Variants in PCTP observed in about 807,000 individuals in gnomAD.
PCTP encodes START domain-containing protein 2.
Under a neutral mutation model 31.0 loss-of-function variants are expected in PCTP, and 27 were observed. The observed-to-expected ratio is 0.87, with a 90% CI of 0.64 to 1.20. The LOEUF (loss-of-function observed/expected upper bound fraction) is 1.20. Among genes scored for constraint, PCTP ranks in the 50% most tolerant of loss-of-function variants. The probability of loss-of-function intolerance (pLI) is 0.00; values close to 1 mark genes in which losing one functional copy is unlikely to be tolerated. For missense variants in PCTP, 287 were observed against 268.2 expected (o/e 1.07, Z -0.49); for synonymous variants, 108 against 101.2 (o/e 1.07, Z -0.40).
At chr17:55,833,354 T>G (rs1425925920) in intron 5 of PCTP, among the ~76,000 whole-genome samples, 1 of 152,188 alleles carries the variant, frequency 6.6e-6, no homozygotes, top group Non-Finnish European at 1.5e-5. Flanking sequence ...GAAGGAACAA[T>G]CTGCAAAGAA....
chr17:55,818,209 C>T (rs572617739), intron 3 of PCTP, among the ~76,000 whole-genome samples: 7 of 152,264 alleles, frequency 4.6e-5, no homozygotes, highest in East Asian at 3.9e-4. Context: ...AAACGGAGAT[C>T]GCATGATGTG....
intron 1 of PCTP, among the ~76,000 whole-genome samples, chr17:55,753,489 A>G (rs1200128355): frequency 6.6e-6 from 1 of 152,166 alleles, no homozygotes; most frequent in African/African-American, 2.4e-5. Flanking sequence ...TATGATGATC[A>G]CCTTTTTACC....
chr17:55,778,602 G>A (rs999150262), downstream of PCTP, among the ~76,000 whole-genome samples: 7 of 147,762 alleles, frequency 4.7e-5, no homozygotes, highest in African/African-American at 1.0e-4. Context: ...CCAAGTCAGC[G>A]TTTTGTGGGG....
intron 2 of PCTP, among the ~76,000 whole-genome samples, chr17:55,784,421 G>A (rs994435687): frequency 1.3e-4 from 19 of 151,980 alleles, no homozygotes; most frequent in African/African-American, 3.9e-4. Flanking sequence ...GGTTGACATG[G>A]CACAAGCTCA....
At chr17:55,819,228 C>A (rs893311422) in intron 3 of PCTP, among the ~76,000 whole-genome samples, 9 of 151,936 alleles carry the variant, frequency 5.9e-5, no homozygotes, top group Admixed American at 3.9e-4. Context: ...AAAAGCTTTC[C>A]CCCTAAGATC....
At chr17:55,844,937 A>G (rs941151814), downstream of PCTP, among the ~76,000 whole-genome samples, 1 of 151,760 alleles carries the variant, frequency 6.6e-6, no homozygotes, top group Non-Finnish European at 1.5e-5. Flanking sequence ...GATACAAAAA[A>G]TTAGCCGGGC....
downstream of PCTP, among the ~76,000 whole-genome samples, chr17:55,824,656 G>A (rs1363686882): frequency 6.6e-6 from 1 of 152,200 alleles, no homozygotes; most frequent in Non-Finnish European, 1.5e-5. Context: ...TGAACACAGA[G>A]ATAAGTGGAC....
At chr17:55,751,390 A>C (rs1225271653) in intron 1 of PCTP, 146 bp downstream of exon 1, 1 of 1,533,622 alleles carries the variant, frequency 6.5e-7, no homozygotes, top group Middle Eastern at 1.7e-4. Context: ...CCCTGTCTCA[A>C]GCTCTGGAGC....
Position 55,772,565 on chromosome 17 carries a change from T to C in PCTP, c.340-1159T>C, listed in dbSNP as rs367954774. On this transcript the variant is annotated intron_variant, in intron 3 of 5. Coordinates refer to ENST00000268896, the MANE Select transcript of PCTP (RefSeq NM_021213.4). ...TCGTGACACTCTACTCCAGTCTGGG[T>C]GAGACTCTGTCTCAAAAAAAAAAAA... 1.5e-4 allele frequency among the ~76,000 whole-genome samples: 20 copies of C among 136,662 alleles called. 2 individuals are homozygous for C. Among genetic ancestry groups the C allele is most frequent in the Admixed American group, 1.0e-3 (13 of 12,886 alleles). The allele number at this position is 136,662 out of a possible 152,430, so 89.7% of individuals were successfully genotyped here. A position where few individuals can be genotyped will look rare whatever the true frequency, so the allele number is the denominator to read the frequency against.
chr17:55,847,783 T>G (rs1444888161), downstream of PCTP, among the ~76,000 whole-genome samples: 2 of 152,298 alleles, frequency 1.3e-5, no homozygotes, highest in African/African-American at 2.4e-5. Context: ...TCAGCCTTTT[T>G]GTTCTGTTCA....
Position 55,763,681 on chromosome 17 carries a change from A to G in PCTP, c.142-3654A>G, listed in dbSNP as rs554030922. 6.6e-5 allele frequency among the ~76,000 whole-genome samples: 10 copies of G among 152,332 alleles called. No homozygotes were observed. The East Asian group carries it at 1.2e-3, about 18-fold the overall frequency. On this transcript the variant is annotated intron_variant, in intron 1 of 5. Transcript: ENST00000268896. The stretch of plus-strand genomic sequence containing the variant: ...TTATTTACTTAAAGGAAATATGTCA[A>G]ATATTATCAGTAGATATTTTTGGAT...
chr17:55,851,567 G>A, the PCTP span, among the ~76,000 whole-genome samples: 1 of 152,066 alleles, frequency 6.6e-6, no homozygotes, highest in Non-Finnish European at 1.5e-5. Flanking sequence ...TAATTACTTG[G>A]CTCACAAATA....
intron 1 of PCTP, among the ~76,000 whole-genome samples, chr17:55,759,689 T>C (rs1430611538): frequency 6.6e-6 from 1 of 152,146 alleles, no homozygotes; most frequent in Non-Finnish European, 1.5e-5. Flanking sequence ...GATTTGAGAA[T>C]ATGTGATTTA....
At chr17:55,771,282 C>T in intron 3 of PCTP, 97 bp downstream of exon 3, 6 of 915,294 alleles carry the variant, frequency 6.6e-6, no homozygotes, top group Non-Finnish European at 1.1e-5. Context: ...GGTTTCTCAG[C>T]AGGCACAGAT....
chr17:55,813,144 C>T (rs1912807854), intron 3 of PCTP, among the ~76,000 whole-genome samples: 1 of 152,220 alleles, frequency 6.6e-6, no homozygotes, highest in African/African-American at 2.4e-5. Context: ...GTAATCAACA[C>T]ACCAAATTAA....
downstream of PCTP, among the ~76,000 whole-genome samples, chr17:55,779,041 A>C (rs1911466150): frequency 5.3e-5 from 8 of 152,132 alleles, no homozygotes; most frequent in Admixed American, 5.2e-4. Flanking sequence ...CTGGACTTGC[A>C]AGAGATGAGG....
intron 2 of PCTP, among the ~76,000 whole-genome samples, chr17:55,768,085 C>CA (rs11424440): frequency 0.65 from 91,265 of 140,046 alleles, 33,379 homozygotes; most frequent in East Asian, 0.87. Flanking sequence ...GACCCTGTCT[C>CA]AAAAAAAAAA....
At chr17:55,817,928 C>A (rs778236479) in intron 3 of PCTP, among the ~76,000 whole-genome samples, 7 of 152,182 alleles carry the variant, frequency 4.6e-5, no homozygotes, top group Non-Finnish European at 1.5e-5. Flanking sequence ...CAGAGGAAAA[C>A]TAACCATGAC....
At position 55,777,140 on chromosome 17, in the gene PCTP, C is replaced by T. The variant is rs780457644; in HGVS notation, c.*1040C>T. 7 of 985,820 alleles carry T rather than the reference C, an allele frequency of 7.1e-6. No homozygotes were observed. Among genetic ancestry groups the T allele is most frequent in the Non-Finnish European group, 8.4e-6 (7 of 829,920 alleles). 61.1% of individuals were successfully genotyped at this position (985,820 alleles called of 1,614,324 possible). On this transcript the variant is annotated 3_prime_UTR_variant, in exon 6 of 6. Coordinates refer to ENST00000268896, the MANE Select transcript of PCTP (RefSeq NM_021213.4). Reference sequence around the variant, plus strand: ...CCAAAAAGACTTTTAGTTTTCTATGCTTTCTCCTGAATTTTGGTAGGGTAA... The same window carrying T: ...CCAAAAAGACTTTTAGTTTTCTATGTTTTCTCCTGAATTTTGGTAGGGTAA...
Sources: gnomAD v4.1 joint callset for allele counts (sites outside exome capture counted in the v4.1 genomes callset) on GRCh38, gnomAD v4.1.1 for gene constraint, MANE v1.5 for transcripts, NCBI Gene and HGNC (gene_info 2026-07-23, HGNC 2026-07-21) for gene names.